TTBK1: variants seen among roughly 807,000 people sequenced by gnomAD.
TTBK1 encodes the protein tau-tubulin kinase 1.
In TTBK1, 34 loss-of-function variants were observed where a neutral mutation model predicts 108.5. The ratio of observed to expected loss-of-function variants is 0.31; its 90% CI spans 0.24 to 0.42. The LOEUF (loss-of-function observed/expected upper bound fraction) is 0.42. Ranked by LOEUF, TTBK1 falls within the 10% of genes least tolerant of loss-of-function variation. The pLI is 1.00. For synonymous variants in TTBK1, 809 were observed against 795.1 expected, an observed-to-expected ratio of 1.02 and a Z score of -0.29; for missense variants, 1,539 against 1,826.0, an observed-to-expected ratio of 0.84 and a Z score of 2.86.
Position 43,269,585 on chromosome 6 carries a change from G to T in TTBK1, c.1986+6235G>T. ...TGAGCGGTGGGTGGCCCCGGAGACG[G>T]AGCTGTCGAGTCTGTGCCTGACACC... On this transcript the variant is annotated intron_variant, in intron 13 of 14. Transcript: ENST00000259750. This position sits in a 1 kb window ranked among gnomAD's most constrained non-coding sequence, Gnocchi z 4.8. 1 of 1,523,858 alleles carries T rather than the reference G, an allele frequency of 6.6e-7. No homozygotes were observed. Among genetic ancestry groups the T allele is most frequent in the Non-Finnish European group, 8.8e-7 (1 of 1,133,052 alleles). The allele number at this position is 1,523,858 out of a possible 1,614,324, so 94.4% of individuals were successfully genotyped here. A position where few individuals can be genotyped will look rare whatever the true frequency, so the allele number is the denominator to read the frequency against.
At chr6:43,270,079 AG>A (rs1777786939) in intron 13 of TTBK1, 1 of 1,409,226 alleles carries the variant, frequency 7.1e-7, no homozygotes, top group East Asian at 2.7e-5. Context: ...CATGCAATAC[AG>A]CCCCCCTAGA....
chr6:43,278,954 C>T (rs1022845873), intron 13 of TTBK1, among the ~76,000 whole-genome samples: 1 of 152,220 alleles, frequency 6.6e-6, no homozygotes, highest in Non-Finnish European at 1.5e-5. Context: ...ATTCAGGGCT[C>T]TTCCTCCCAA....
intron 9 of TTBK1, 152 bp downstream of exon 9, chr6:43,256,008 T>G (rs1420122540): frequency 1.1e-6 from 1 of 899,050 alleles, no homozygotes; most frequent in African/African-American, 1.7e-5. Context: ...GCATGTATGC[T>G]CTTGTAAACT....
In TTBK1 at chr6:43,253,730, C is replaced by A; in HGVS notation, c.471+22C>A. 1 of 1,601,352 alleles carries A rather than the reference C, an allele frequency of 6.2e-7. No homozygotes were observed. Among genetic ancestry groups the A allele is most frequent in the Admixed American group, 1.7e-5 (1 of 58,706 alleles). ...GCCTGTGAGTACTGCCCCCACACGC[C>A]TCTCTGTTCCCTCCTCCAGAACACA... is the stretch of plus-strand genomic sequence containing the variant. On this transcript the variant is annotated intron_variant, in intron 5 of 14. Transcript: ENST00000259750. This position sits in a 1 kb window ranked among gnomAD's most constrained non-coding sequence, Gnocchi z 5.8.
intron 12 of TTBK1, among the ~76,000 whole-genome samples, chr6:43,261,276 G>A (rs867690247): frequency 5.3e-5 from 8 of 152,132 alleles, no homozygotes; most frequent in African/African-American, 1.9e-4. Flanking sequence ...CTCGATGCTG[G>A]GGGAGAATGA....
Position 43,285,249 on chromosome 6 carries a change from G to C in TTBK1, c.3839G>C (p.Arg1280Pro), listed in dbSNP as rs1389405893. 3.1e-6 allele frequency: 4 copies of C among 1,295,062 alleles called. No homozygotes were observed. Among genetic ancestry groups the C allele is most frequent in the Non-Finnish European group, 2.9e-6 (3 of 1,025,930 alleles). 80.2% of individuals were successfully genotyped at this position (1,295,062 alleles called of 1,614,324 possible). A position where few individuals can be genotyped will look rare whatever the true frequency, so the allele number is the denominator to read the frequency against. Residue 1280 changes from arginine (R) to proline (P), a missense_variant, in exon 15 of 15, where the codon CGG becomes CCG. By Grantham distance (103) the Arg-to-Pro change is moderately radical. This residue lies in a region of TTBK1 where 1,055 missense variants were observed against 1,086.5 expected (regional missense o/e 0.97). Transcript: ENST00000259750. The surrounding 1 kb of genome is among the most constrained non-coding windows in gnomAD (Gnocchi z 4.7). ...CCGCCCCGGGGCGTCCCGCCGGCCC[G>C]GGCCCAGCCTGATGGCACCCCCTCC... ...VPPPRGVPPA[R>P]AQPDGTPSPG...
intron 10 of TTBK1, among the ~76,000 whole-genome samples, chr6:43,258,792 C>T (rs12202526): frequency 0.25 from 37,895 of 152,102 alleles, 4,991 homozygotes; most frequent in East Asian, 0.36. Context: ...ACAGCAGGAT[C>T]CACTAAGTCA....
At chr6:43,266,998 C>CGTGTGTGTGT (rs3997628) in intron 13 of TTBK1, among the ~76,000 whole-genome samples, 128 of 128,200 alleles carry the variant, frequency 1.0e-3, no homozygotes, top group East Asian at 3.2e-3. Flanking sequence ...CTGGAGCATG[C>CGTGTGTGTGT]GTGTGTGTGT....
In TTBK1 at chr6:43,283,323, C is replaced by A; in HGVS notation, c.2583C>A (p.Thr861=). Residue 861 remains threonine, a synonymous_variant, in exon 14 of 15, where the codon ACC becomes ACA. Transcript: ENST00000259750. The surrounding 1 kb of genome is among the most constrained non-coding windows in gnomAD (Gnocchi z 8.1). ...TGGCCCCCGACCCCGACCTGGGCAC[C>A]CTGGCTGCCCTCACTCCTCAGCATG... ...AELAPDPDLG[T]LAALTPQHER... 1 of 1,585,942 alleles carries A rather than the reference C, an allele frequency of 6.3e-7. No individual in the cohort carries two copies. The highest frequency in any genetic ancestry group is 2.3e-5 in the East Asian group (1 of 43,064).
chr6:43,252,641 C>G, intron 2 of TTBK1, 98 bp from the exon 3 acceptor site: 1 of 1,402,004 alleles, frequency 7.1e-7, no homozygotes. Flanking sequence ...AAAAGATACC[C>G]CCCTTCCCCA....
chr6:43,279,317 G>A (rs755887955), intron 13 of TTBK1, among the ~76,000 whole-genome samples: 1 of 152,216 alleles, frequency 6.6e-6, no homozygotes, highest in Middle Eastern at 3.2e-3. Flanking sequence ...AAAGGAAAGG[G>A]TGTCTCTAAC....
intron 13 of TTBK1, among the ~76,000 whole-genome samples, chr6:43,266,587 T>C (rs1777681822): frequency 6.6e-6 from 1 of 152,174 alleles, no homozygotes; most frequent in Non-Finnish European, 1.5e-5. Context: ...AGCTGAGCTC[T>C]GAGCCATTCC....
At chr6:43,250,904 A>G (rs1777220422) in intron 2 of TTBK1, among the ~76,000 whole-genome samples, 1 of 152,236 alleles carries the variant, frequency 6.6e-6, no homozygotes, top group African/African-American at 2.4e-5. Context: ...GCATCTCCCC[A>G]GAGTTTAAAG....
Position 43,259,520 on chromosome 6 carries a change from C to T in TTBK1, c.1249-11C>T, listed in dbSNP as rs1188075516. On this transcript the variant is annotated splice_polypyrimidine_tract_variant and intron_variant, in intron 11 of 14. Coordinates refer to ENST00000259750, the MANE Select transcript of TTBK1 (RefSeq NM_032538.3). This position sits in a 1 kb window ranked among gnomAD's most constrained non-coding sequence, Gnocchi z 6.7. Reference sequence around the variant, plus strand: ...ATCAGCCCCAGCTCATGGCACTCCCCTCTCCTGCAGAGCCCCTGTGTGGAG... The same window carrying T: ...ATCAGCCCCAGCTCATGGCACTCCCTTCTCCTGCAGAGCCCCTGTGTGGAG... 1.3e-6 allele frequency: 2 copies of T among 1,556,120 alleles called. No homozygotes were observed. The highest frequency in any genetic ancestry group is 3.9e-5 in the Admixed American group (2 of 50,822).
intron 12 of TTBK1, among the ~76,000 whole-genome samples, chr6:43,262,408 G>A (rs1777565271): frequency 6.6e-6 from 1 of 152,210 alleles, no homozygotes; most frequent in African/African-American, 2.4e-5. Context: ...ACTGGCGGGT[G>A]TGAGCACTGG....
rs1276098660 is a variant in TTBK1, at chr6:43,284,209, C to T, written c.3469C>T (p.Pro1157Ser). The stretch of plus-strand genomic sequence containing the variant: ...GGCAGCCGCCACCAGGAGCCGGATT[C>T]CCCGCCCCATTGGCCTCCGCATGCC... ...GRAAATRSRI[P>S]RPIGLRMPMP... The change falls in exon 14 of 15, where the codon CCC becomes TCC. Residue 1157 changes from proline to serine, a missense_variant. Coordinates refer to ENST00000259750, the MANE Select transcript of TTBK1 (RefSeq NM_032538.3). 1 of 1,588,844 alleles carries T rather than the reference C, an allele frequency of 6.3e-7. No homozygotes were observed. The highest frequency in any genetic ancestry group is 2.3e-5 in the East Asian group (1 of 44,400).
chr6:43,257,722 T>A lies in TTBK1; in HGVS notation c.862-90T>A. ...CCATTCCTGTCCTGGAAAGTCCCTG[T>A]CTTCCTCCTATGATCCCAGCAACTG... is the stretch of plus-strand genomic sequence containing the variant. On this transcript the variant is annotated intron_variant, in intron 9 of 14. Transcript: ENST00000259750. The surrounding 1 kb of genome is among the most constrained non-coding windows in gnomAD (Gnocchi z 4.5). 7.1e-7 allele frequency: 1 copy of A among 1,408,222 alleles called. No homozygotes were observed. Among genetic ancestry groups the A allele is most frequent in the Non-Finnish European group, 9.8e-7 (1 of 1,022,292 alleles). 87.2% of individuals were successfully genotyped at this position (1,408,222 alleles called of 1,614,324 possible).
chr6:43,251,975 G>A (rs1468103010), intron 2 of TTBK1, among the ~76,000 whole-genome samples: 3 of 152,168 alleles, frequency 2.0e-5, no homozygotes, highest in African/African-American at 7.2e-5. Flanking sequence ...GGATCAATCC[G>A]CCCTGAGACT....
At chr6:43,245,254 C>T (rs970214182) in intron 1 of TTBK1, among the ~76,000 whole-genome samples, 6 of 152,158 alleles carry the variant, frequency 3.9e-5, no homozygotes, top group East Asian at 1.9e-4. Flanking sequence ...TCCCCCGACC[C>T]GCAACCCCCA....
Sources: allele counts gnomAD v4.1 joint callset (sites outside exome capture counted in the v4.1 genomes callset), GRCh38; gene constraint gnomAD v4.1.1; regional missense constraint gnomAD v4.1.1; non-coding constraint Gnocchi (gnomAD v3.1); transcripts MANE v1.5; gene names NCBI Gene and HGNC (gene_info 2026-07-23, HGNC 2026-07-21).